The following CHD1L variants were observed in gnomAD, a reference collection of about 807,000 sequenced individuals.
CHD1L encodes the protein chromodomain helicase DNA binding protein 1 like, also known as ATP-dependent chromatin remodeler CHD1L.
CHD1L carries 118 observed loss-of-function variants against 115.9 expected under a neutral mutation model. That is an observed-to-expected ratio of 1.02 (90% CI 0.88 to 1.19). The LOEUF is 1.19. Among genes scored for constraint, CHD1L ranks in the 50% most tolerant of loss-of-function variants. CHD1L has a pLI of 0.00. For synonymous variants in CHD1L, 411 were observed against 387.1 expected (o/e 1.06, Z -0.72); for missense variants, 1,179 against 1,065.3 (o/e 1.11, Z -1.49).
chr1:147,239,353 C>T (rs1664696429), upstream of CHD1L, among the ~76,000 whole-genome samples: 1 of 152,220 alleles, frequency 6.6e-6, no homozygotes, highest in Non-Finnish European at 1.5e-5. Flanking sequence ...AAGTACAACA[C>T]TATGTGCCCA....
the CHD1L span, chr1:147,187,342 A>C: frequency 2.0e-5 from 16 of 803,856 alleles, no homozygotes; most frequent in African/African-American, 5.2e-5. Context: ...GCTCAATATC[A>C]GACTAGGAGC....
At chr1:147,227,280 A>C in the CHD1L span, among the ~76,000 whole-genome samples, 2 of 152,264 alleles carry the variant, frequency 1.3e-5, no homozygotes, top group Non-Finnish European at 2.9e-5. Context: ...AAAATGAATT[A>C]CTTGTAAATT....
In CHD1L at chr1:147,282,224, T is replaced by C. The variant is rs76449550; in HGVS notation, c.1705+2033T>C. On this transcript the variant is annotated intron_variant, in intron 15 of 22. Transcript: ENST00000369258. ...CATGGAGGGCACCTTCTCTGATCCA[T>C]ATTTGATGTCTTTTCACTGGGCAAC... is the stretch of plus-strand genomic sequence containing the variant. Among the ~76,000 whole-genome samples, 440 of 152,266 alleles carry C rather than the reference T, an allele frequency of 2.9e-3. 2 individuals carry two copies. Among genetic ancestry groups the C allele is most frequent in the African/African-American group, 0.01 (417 of 41,568 alleles).
the CHD1L span, chr1:147,176,397 G>A: frequency 6.6e-6 from 1 of 152,194 alleles, no homozygotes; most frequent in African/African-American, 2.4e-5. Flanking sequence ...CACCCTATGA[G>A]GGTAAGCAGA....
chr1:147,219,908 G>A, the CHD1L span, among the ~76,000 whole-genome samples: 1 of 143,842 alleles, frequency 7.0e-6, no homozygotes, highest in South Asian at 2.2e-4. Flanking sequence ...GCACAATCTC[G>A]GCTCACCACA....
the CHD1L span, among the ~76,000 whole-genome samples, chr1:147,200,817 G>T: frequency 6.6e-6 from 1 of 152,106 alleles, no homozygotes; most frequent in African/African-American, 2.4e-5. Flanking sequence ...CTAAAATCTA[G>T]ATGAGTAAAT....
At chr1:147,279,880 C>T in intron 14 of CHD1L, 146 bp from the exon 15 acceptor site, 1 of 714,550 alleles carries the variant, frequency 1.4e-6, no homozygotes, top group East Asian at 2.7e-5. Flanking sequence ...CTGGCTGTTA[C>T]TATCTATGAT....
chr1:147,275,207 A>C (rs1553956488), intron 12 of CHD1L, 147 bp from the exon 13 acceptor site: 2 of 659,332 alleles, frequency 3.0e-6, no homozygotes, highest in African/African-American at 3.6e-5. Flanking sequence ...AAGGCTTTGG[A>C]GTTAGGGGTG....
the CHD1L span, chr1:147,214,706 C>T: frequency 7.9e-5 from 12 of 152,100 alleles, no homozygotes; most frequent in South Asian, 8.3e-4. Context: ...ATCTTTCCTC[C>T]GAGCTGCAAC....
intron 9 of CHD1L, 64 bp from the exon 10 acceptor site, chr1:147,268,718 C>G: frequency 1.5e-6 from 2 of 1,334,416 alleles, no homozygotes; most frequent in Non-Finnish European, 2.1e-6. Context: ...CTTCCTGTAG[C>G]CTAGCTACTG....
Position 147,276,270 on chromosome 1 carries a change from A to C in CHD1L, c.1539+13A>C. ...TGCTGACCTCCAGGTATGATATGAT[A>C]TACTGTTCTTCACTTTGGAATATAC... On this transcript the variant is annotated intron_variant, in intron 14 of 22. Transcript: ENST00000369258. The C allele has an allele frequency of 6.2e-7, 1 of 1,613,954 alleles. No individual in the cohort carries two copies. Among genetic ancestry groups the C allele is most frequent in the Middle Eastern group, 1.7e-4 (1 of 6,058 alleles).
chr1:147,295,471 C>G lies in CHD1L; in HGVS notation c.2656C>G (p.Gln886Glu). The G allele has an allele frequency of 6.2e-7, 1 of 1,611,592 alleles. No individual in the cohort carries two copies. The highest frequency in any genetic ancestry group is 8.5e-7 in the Non-Finnish European group (1 of 1,178,606). The change falls in exon 23 of 23, where the codon CAG becomes GAG. Residue 886 changes from glutamine to glutamate, a missense_variant. Transcript: ENST00000369258. The stretch of plus-strand genomic sequence containing the variant: ...AAGCAAGTCTGCTGTCCTTCATTCA[C>G]AGTCTTCATCTTCCTCCTCAAGACA... ...PRSKSAVLHS[Q>E]SSSSSSRQLV... is the part of the protein sequence containing the mutation.
intron 19 of CHD1L, among the ~76,000 whole-genome samples, chr1:147,291,028 G>T (rs72999668): frequency 2.8e-4 from 42 of 152,156 alleles, no homozygotes; most frequent in African/African-American, 9.9e-4. Flanking sequence ...TAAAGCCATA[G>T]AATTAAATTA....
At chr1:147,243,616 C>T (rs1213468921) in intron 1 of CHD1L, among the ~76,000 whole-genome samples, 1 of 152,102 alleles carries the variant, frequency 6.6e-6, no homozygotes, top group African/African-American at 2.4e-5. Context: ...GCCGCTGAAC[C>T]GCCCCAGCCT....
chr1:147,259,871 C>T lies in CHD1L; in HGVS notation c.529C>T (p.His177Tyr). ...GAGTGTTCTTGTTGTGGATGAAGCTCACAGGTTGAAAAACCAAAGCTCCCT... is the reference window on the plus strand; with the variant it reads ...GAGTGTTCTTGTTGTGGATGAAGCTTACAGGTTGAAAAACCAAAGCTCCCT... ...PWSVLVVDEA[H>Y]RLKNQSSLLH... The change falls in exon 6 of 23, where the codon CAC becomes TAC. Residue 177 changes from histidine to tyrosine, a missense_variant. His to Tyr is a moderately conservative substitution (Grantham distance 83, BLOSUM62 2). Coordinates refer to ENST00000369258, the MANE Select transcript of CHD1L (RefSeq NM_004284.6). The T allele has an allele frequency of 1.2e-6, 2 of 1,613,838 alleles. No individual in the cohort carries two copies. The highest frequency in any genetic ancestry group is 1.7e-5 in the Admixed American group (1 of 60,014).
the CHD1L span, among the ~76,000 whole-genome samples, chr1:147,221,482 A>G: frequency 6.6e-6 from 1 of 152,234 alleles, no homozygotes; most frequent in South Asian, 2.1e-4. Flanking sequence ...TTTTTAATTA[A>G]GGTAAATTAA....
chr1:147,292,823 T>C (rs1479484308), intron 20 of CHD1L, among the ~76,000 whole-genome samples: 10 of 152,202 alleles, frequency 6.6e-5, no homozygotes, highest in Non-Finnish European at 1.5e-4. Context: ...AAGCCATCCA[T>C]GAGGGATCCA....
At chr1:147,293,424 A>G (rs139488156) in intron 20 of CHD1L, among the ~76,000 whole-genome samples, 184 bp from the exon 21 acceptor site, 1 of 152,330 alleles carries the variant, frequency 6.6e-6, no homozygotes, top group African/African-American at 2.4e-5. Context: ...ACCACAAAGT[A>G]AGAATTATGA....
the CHD1L span, among the ~76,000 whole-genome samples, chr1:147,206,657 G>A: frequency 0.038 from 5,773 of 152,076 alleles, 154 homozygotes; most frequent in South Asian, 0.096. Flanking sequence ...GCAAACTATC[G>A]CAAGGACAAA....
Sources: gnomAD v4.1 joint callset for allele counts (sites outside exome capture counted in the v4.1 genomes callset) on GRCh38, gnomAD v4.1.1 for gene constraint, MANE v1.5 for transcripts, NCBI Gene and HGNC (gene_info 2026-07-23, HGNC 2026-07-21) for gene names.